Variants in DCAF1 observed in about 807,000 individuals in gnomAD.
The protein encoded by DCAF1 is DDB1- and CUL4-associated factor 1.
DCAF1 carries 15 observed loss-of-function variants against 128.0 expected under a neutral mutation model. That is an observed-to-expected ratio of 0.12 (90% CI 0.08 to 0.18). The LOEUF (loss-of-function observed/expected upper bound fraction) is 0.18. Ranked by LOEUF, DCAF1 falls within the 10% of genes least tolerant of loss-of-function variation. DCAF1 has a pLI of 1.00. For synonymous variants in DCAF1, 610 were observed against 603.0 expected, an observed-to-expected ratio of 1.01 and a Z score of -0.17; for missense variants, 988 against 1,649.5, an observed-to-expected ratio of 0.60 and a Z score of 6.95.
chr3:51,461,432 G>A (rs1331602028), intron 6 of DCAF1, among the ~76,000 whole-genome samples: 2 of 152,098 alleles, frequency 1.3e-5, no homozygotes, highest in African/African-American at 2.4e-5. Flanking sequence ...GAGAGGATGC[G>A]GAGAAATAGG....
At chr3:51,500,145 AAAAAAAAT>A, upstream of DCAF1, 1 of 144,602 alleles carries the variant, frequency 6.9e-6, no homozygotes, top group African/African-American at 2.5e-5. Flanking sequence ...AAAAAAAAAA[AAAAAAAAT>A]CGAAGAGCCC....
intron 3 of DCAF1, among the ~76,000 whole-genome samples, chr3:51,477,570 T>G (rs1705627386): frequency 6.6e-6 from 1 of 151,562 alleles, no homozygotes; most frequent in African/African-American, 2.4e-5. Context: ...GAGGCTGCAG[T>G]GAGCTATGAT....
At chr3:51,466,183 C>A (rs1371681621) in intron 5 of DCAF1, among the ~76,000 whole-genome samples, 1 of 152,150 alleles carries the variant, frequency 6.6e-6, no homozygotes, top group Non-Finnish European at 1.5e-5. Context: ...GCCTAAGTAA[C>A]AGAGCCAGAC....
intron 6 of DCAF1, among the ~76,000 whole-genome samples, chr3:51,454,967 C>A (rs1702747647): frequency 6.6e-6 from 1 of 152,334 alleles, no homozygotes; most frequent in African/African-American, 2.4e-5. Context: ...GCCGCCACGC[C>A]CGGCCTACCC....
At chr3:51,463,873 C>A (rs1299275057) in intron 5 of DCAF1, among the ~76,000 whole-genome samples, 1 of 151,954 alleles carries the variant, frequency 6.6e-6, no homozygotes, top group African/African-American at 2.4e-5. Flanking sequence ...ATTTTTTTTA[C>A]AGACAGGGTC....
chr3:51,459,925 C>T (rs1374037446), intron 6 of DCAF1, among the ~76,000 whole-genome samples: 4 of 152,182 alleles, frequency 2.6e-5, no homozygotes, highest in South Asian at 4.2e-4. Context: ...TAAGAGCTAT[C>T]CATGACAAAC....
intron 10 of DCAF1, among the ~76,000 whole-genome samples, chr3:51,430,680 T>C (rs1233776474): frequency 2.6e-5 from 4 of 152,232 alleles, no homozygotes; most frequent in Non-Finnish European, 5.9e-5. Context: ...TCCCCAGGTT[T>C]CCTTGATATT....
chr3:51,444,043 C>A, intron 6 of DCAF1, 140 bp from the exon 7 acceptor site: 1 of 651,446 alleles, frequency 1.5e-6, no homozygotes. Context: ...CTACAGCATC[C>A]AATAGGTTCC....
Position 51,412,983 on chromosome 3 carries a change from C to A in DCAF1, c.4110+10G>T. 1.2e-6 allele frequency: 2 copies of A among 1,613,458 alleles called. No homozygotes were observed. Among genetic ancestry groups the A allele is most frequent in the Non-Finnish European group, 1.7e-6 (2 of 1,179,598 alleles). ...AACAAAAGAGCAGGGCCTCTGCAAG[C>A]TCCCTTTACCTCAATGACAGCAAGA... is the stretch of plus-strand genomic sequence containing the variant. On this transcript the variant is annotated intron_variant, in intron 22 of 24. Coordinates refer to ENST00000684031, the MANE Select transcript of DCAF1 (RefSeq NM_001387579.1).
At chr3:51,402,976 G>C (rs2089840366) in intron 24 of DCAF1, among the ~76,000 whole-genome samples, 167 bp downstream of exon 24, 1 of 152,206 alleles carries the variant, frequency 6.6e-6, no homozygotes, top group Non-Finnish European at 1.5e-5. Context: ...TCTGACAGGA[G>C]AGGAGGGCAG....
At chr3:51,406,291 C>T (rs1553626601) in intron 23 of DCAF1, among the ~76,000 whole-genome samples, 1 of 131,560 alleles carries the variant, frequency 7.6e-6, no homozygotes, top group Non-Finnish European at 1.5e-5. Context: ...TGCAGTGAGC[C>T]GAGATCGCGC....
At chr3:51,408,060 T>C (rs147027642) in intron 23 of DCAF1, among the ~76,000 whole-genome samples, 21 of 147,790 alleles carry the variant, frequency 1.4e-4, no homozygotes, top group African/African-American at 4.7e-4. Flanking sequence ...GATAGGTGAC[T>C]AGCTTATCTC....
At chr3:51,463,489 T>C (rs1320135001) in intron 5 of DCAF1, among the ~76,000 whole-genome samples, 2 of 152,110 alleles carry the variant, frequency 1.3e-5, no homozygotes, top group Admixed American at 1.3e-4. Flanking sequence ...ATCATAGAAA[T>C]TAAAGGTCAA....
intron 17 of DCAF1, among the ~76,000 whole-genome samples, chr3:51,417,659 G>A (rs996242984): frequency 2.0e-5 from 3 of 151,980 alleles, no homozygotes; most frequent in Non-Finnish European, 2.9e-5. Context: ...GGCGGAGCTT[G>A]CAGTAGGCTG....
In DCAF1 at chr3:51,398,546, G is replaced by A. The variant is rs536722524; in HGVS notation, c.*223C>T. 44 of 539,876 alleles carry A rather than the reference G, an allele frequency of 8.2e-5. No individual in the cohort carries two copies. Among genetic ancestry groups the A allele is most frequent in the Middle Eastern group, 4.2e-4 (1 of 2,356 alleles). 33.4% of individuals were successfully genotyped at this position (539,876 alleles called of 1,614,324 possible). Reference sequence around the variant, plus strand: ...ATGGTGGGGGGTGGATGTGGGGGGTGCAGAGTAGGGCCTAGTCCCTGTTGT... The same window carrying A: ...ATGGTGGGGGGTGGATGTGGGGGGTACAGAGTAGGGCCTAGTCCCTGTTGT... On this transcript the variant is annotated 3_prime_UTR_variant, in exon 25 of 25. Transcript: ENST00000684031.
At chr3:51,441,158 G>C in intron 8 of DCAF1, 87 bp from the exon 9 acceptor site, 1 of 1,310,596 alleles carries the variant, frequency 7.6e-7, no homozygotes. Flanking sequence ...GAAGCCTAAA[G>C]AAATGATGCA....
At chr3:51,435,824 A>C (rs1422670834) in intron 9 of DCAF1, among the ~76,000 whole-genome samples, 2 of 152,220 alleles carry the variant, frequency 1.3e-5, no homozygotes, top group Admixed American at 6.5e-5. Context: ...GTACCTGAAC[A>C]TAAGTATCTG....
At chr3:51,400,013 G>A (rs2089534072) in intron 24 of DCAF1, among the ~76,000 whole-genome samples, 2 of 152,144 alleles carry the variant, frequency 1.3e-5, no homozygotes, top group South Asian at 4.1e-4. Flanking sequence ...TCCTTTAGGA[G>A]GAAAACTGAA....
At chr3:51,496,869 TA>T (rs1216271896) in intron 1 of DCAF1, among the ~76,000 whole-genome samples, 89 bp from the exon 2 acceptor site, 2 of 152,190 alleles carry the variant, frequency 1.3e-5, no homozygotes, top group Admixed American at 6.6e-5. Flanking sequence ...AATACTTATG[TA>T]AAATTTTCTT....
Sources: allele counts gnomAD v4.1 joint callset (sites outside exome capture counted in the v4.1 genomes callset), GRCh38; gene constraint gnomAD v4.1.1; transcripts MANE v1.5; gene names NCBI Gene and HGNC (gene_info 2026-07-23, HGNC 2026-07-21).